The following ZMIZ1 variants were observed in gnomAD, a reference collection of about 807,000 sequenced individuals.
The protein encoded by ZMIZ1 is zinc finger MIZ-type containing 1.
ZMIZ1 carries 17 observed loss-of-function variants against 113.9 expected under a neutral mutation model. That is an observed-to-expected ratio of 0.15 (90% CI 0.10 to 0.22). The LOEUF (loss-of-function observed/expected upper bound fraction) is 0.22, where lower values mean the gene tolerates loss of function less well. ZMIZ1 is among the 10% of genes least tolerant of loss of function. The probability of loss-of-function intolerance (pLI) is 1.00; values close to 1 mark genes in which losing one functional copy is unlikely to be tolerated. For synonymous variants in ZMIZ1, 607 were observed against 603.1 expected, an observed-to-expected ratio of 1.01 and a Z score of -0.09; for missense variants, 1,059 against 1,477.8, an observed-to-expected ratio of 0.72 and a Z score of 4.65.
intron 5 of ZMIZ1, among the ~76,000 whole-genome samples, 199 bp from the exon 6 acceptor site, chr10:79,208,137 G>C (rs1406382260): frequency 8.6e-5 from 12 of 139,394 alleles, no homozygotes; most frequent in Non-Finnish European, 1.6e-5. Context: ...GTGGGGGTGG[G>C]GGGGGGTGGG....
intron 7 of ZMIZ1, among the ~76,000 whole-genome samples, chr10:79,222,182 A>C (rs1372542240): frequency 1.3e-5 from 2 of 152,028 alleles, no homozygotes; most frequent in African/African-American, 2.4e-5. Context: ...TGGACCACTC[A>C]ATGTTTTTTT....
intron 1 of ZMIZ1, among the ~76,000 whole-genome samples, chr10:79,099,075 T>C (rs994356397): frequency 6.6e-6 from 1 of 152,028 alleles, no homozygotes; most frequent in African/African-American, 2.4e-5. Flanking sequence ...TGAGAGCAGG[T>C]CCTGAGACCC....
Position 79,298,560 on chromosome 10 carries a change from G to A in ZMIZ1, c.1646G>A (p.Ser549Asn). The A allele has an allele frequency of 1.9e-6, 3 of 1,600,170 alleles. No individual in the cohort carries two copies. Among genetic ancestry groups the A allele is most frequent in the Non-Finnish European group, 2.6e-6 (3 of 1,174,538 alleles). Residue 549 changes from serine (S) to asparagine (N), a missense_variant, in exon 15 of 25, where the codon AGC becomes AAC. Ser to Asn is a conservative substitution (Grantham distance 46). Transcript: ENST00000334512. ...PFPPDIKPNMSALPPPPANHN... is the reference protein window; with the variant it reads ...PFPPDIKPNMNALPPPPANHN... Reference sequence around the variant, plus strand: ...CCGCCTGACATCAAGCCAAATATGAGCGCTCTGCCACCACCCCCAGGTGAG... The same window carrying A: ...CCGCCTGACATCAAGCCAAATATGAACGCTCTGCCACCACCCCCAGGTGAG...
intron 2 of ZMIZ1, among the ~76,000 whole-genome samples, chr10:79,122,377 C>A (rs1564663750): frequency 6.6e-6 from 1 of 152,160 alleles, no homozygotes; most frequent in Non-Finnish European, 1.5e-5. Context: ...CTGACCCACC[C>A]CATTTACCTT....
chr10:79,232,178 C>T (rs1364698831), intron 7 of ZMIZ1, among the ~76,000 whole-genome samples: 2 of 152,136 alleles, frequency 1.3e-5, no homozygotes, highest in East Asian at 1.9e-4. Context: ...GTGCTGTCTG[C>T]GTTGAGGATT....
chr10:79,291,301 C>G lies in ZMIZ1; in HGVS notation c.758+125C>G, dbSNP rs577558552. 42 of 1,238,566 alleles carry G rather than the reference C, an allele frequency of 3.4e-5. 1 individual carries two copies. Among genetic ancestry groups the G allele is most frequent in the East Asian group, 3.4e-4 (13 of 38,558 alleles). The allele number at this position is 1,238,566 out of a possible 1,614,324, so 76.7% of individuals were successfully genotyped here. On this transcript the variant is annotated intron_variant, in intron 10 of 24. Coordinates refer to ENST00000334512, the MANE Select transcript of ZMIZ1 (RefSeq NM_020338.4). ...CCTGAGAAGTTATCCTCTGTTGTTA[C>G]ATGAGTTGAAGGGGCTCAGTCATCC...
chr10:79,291,046 G>A lies in ZMIZ1; in HGVS notation c.628G>A (p.Gly210Ser), dbSNP rs1418707827. The A allele has an allele frequency of 6.2e-7, 1 of 1,614,212 alleles. No homozygotes were observed. Among genetic ancestry groups the A allele is most frequent in the Admixed American group, 1.7e-5 (1 of 60,028 alleles). The part of the protein sequence containing the change: ...MASGMTTSNP[G>S]LNSPQFAGQQ... ...GTCGGGCATGACCACCAGCAACCCAGGCCTCAACTCCCCACAGTTTGCGGG... is the reference window on the plus strand; with the variant it reads ...GTCGGGCATGACCACCAGCAACCCAAGCCTCAACTCCCCACAGTTTGCGGG... The change falls in exon 10 of 25, where the codon GGC becomes AGC. Residue 210 changes from glycine to serine, a missense_variant. Physicochemically the swap from Gly to Ser is moderately conservative, Grantham distance 56 (BLOSUM62 0). Around this residue, in one of 6 missense-constraint regions of ZMIZ1, gnomAD observed 272 missense variants for 350.4 expected, o/e 0.78. Coordinates refer to ENST00000334512, the MANE Select transcript of ZMIZ1 (RefSeq NM_020338.4).
At chr10:79,129,206 T>A (rs1039834667) in intron 2 of ZMIZ1, among the ~76,000 whole-genome samples, 5 of 152,216 alleles carry the variant, frequency 3.3e-5, no homozygotes, top group Admixed American at 1.3e-4. Flanking sequence ...TTATAAGCTC[T>A]GAGTTCCAGA....
intron 4 of ZMIZ1, among the ~76,000 whole-genome samples, chr10:79,200,895 G>A (rs1454708773): frequency 6.6e-6 from 1 of 152,092 alleles, no homozygotes; most frequent in East Asian, 1.9e-4. Context: ...GCATGCACAT[G>A]TATGAACACA....
chr10:79,242,937 C>T (rs1849931775), intron 7 of ZMIZ1, among the ~76,000 whole-genome samples: 1 of 151,184 alleles, frequency 6.6e-6, no homozygotes, highest in Non-Finnish European at 1.5e-5. Flanking sequence ...TCCCTCGCAG[C>T]GAAGTGGCTG....
intron 7 of ZMIZ1, 129 bp from the exon 8 acceptor site, chr10:79,277,052 C>A (rs1852336840): frequency 8.2e-7 from 1 of 1,214,760 alleles, no homozygotes; most frequent in African/African-American, 1.6e-5. Flanking sequence ...AGTAAGTCTT[C>A]TGGCGTCACA....
At chr10:79,149,498 C>T (rs772900772) in intron 3 of ZMIZ1, among the ~76,000 whole-genome samples, 2 of 152,160 alleles carry the variant, frequency 1.3e-5, no homozygotes, top group Non-Finnish European at 2.9e-5. Context: ...AGGGAATGGG[C>T]TGGATTCACC....
Position 79,312,879 on chromosome 10 carries a change from C to T in ZMIZ1, c.*130C>T, listed in dbSNP as rs1043604701. 2.0e-5 allele frequency: 16 copies of T among 789,464 alleles called. No homozygotes were observed. In the African/African-American group the frequency reaches 2.6e-4, roughly 13 times the overall value. 48.9% of individuals were successfully genotyped at this position (789,464 alleles called of 1,614,324 possible). ...AGCCACGGGCTGTGGGGCGGGGAGC[C>T]CTCCCCCGCTGCAGCCCTCTCAGAA... On this transcript the variant is annotated 3_prime_UTR_variant, in exon 25 of 25. Coordinates refer to ENST00000334512, the MANE Select transcript of ZMIZ1 (RefSeq NM_020338.4).
intron 6 of ZMIZ1, among the ~76,000 whole-genome samples, chr10:79,208,784 G>T (rs201573734): frequency 5.9e-5 from 9 of 152,040 alleles, no homozygotes; most frequent in Admixed American, 2.0e-4. Context: ...TTTTTATCCA[G>T]TCATTCATTC....
intron 7 of ZMIZ1, among the ~76,000 whole-genome samples, chr10:79,239,219 C>T (rs1208831281): frequency 3.3e-5 from 5 of 152,202 alleles, no homozygotes; most frequent in African/African-American, 9.7e-5. Context: ...GTCTCATGCC[C>T]CAGGGCTGCT....
At chr10:79,265,471 T>TC (rs1564564571) in intron 7 of ZMIZ1, among the ~76,000 whole-genome samples, 1 of 147,386 alleles carries the variant, frequency 6.8e-6, no homozygotes, top group African/African-American at 2.5e-5. Context: ...TTCTTTTCTT[T>TC]TTTTTTTTTT....
intron 1 of ZMIZ1, among the ~76,000 whole-genome samples, chr10:79,100,444 A>G (rs1843322679): frequency 6.6e-6 from 1 of 151,932 alleles, no homozygotes; most frequent in Non-Finnish European, 1.5e-5. Flanking sequence ...TCTGAAAAAA[A>G]AAAAAAAAAA....
In ZMIZ1 at chr10:79,213,551, C is replaced by T. The variant is rs148584828; in HGVS notation, c.175-2618C>T. ...CCGGCTGGCCCTTAGAGCCGCCATACAGCACCAAGCCCCTCTAGCTCAAGT... is the reference window on the plus strand; with the variant it reads ...CCGGCTGGCCCTTAGAGCCGCCATATAGCACCAAGCCCCTCTAGCTCAAGT... On this transcript the variant is annotated intron_variant, in intron 6 of 24. Coordinates refer to ENST00000334512, the MANE Select transcript of ZMIZ1 (RefSeq NM_020338.4). Among the ~76,000 whole-genome samples, 345 of 152,320 alleles carry T rather than the reference C, an allele frequency of 2.3e-3. 2 individuals carry two copies. Among genetic ancestry groups the T allele is most frequent in the African/African-American group, 8.1e-3 (335 of 41,558 alleles).
At chr10:79,208,702 G>A (rs537948508) in intron 6 of ZMIZ1, among the ~76,000 whole-genome samples, 2 of 152,324 alleles carry the variant, frequency 1.3e-5, no homozygotes, top group East Asian at 3.9e-4. Context: ...TGAGAAAGAC[G>A]CAGTGTTCAC....
Sources: gnomAD v4.1 joint callset for allele counts (sites outside exome capture counted in the v4.1 genomes callset) on GRCh38, gnomAD v4.1.1 for gene constraint, gnomAD v4.1.1 regional missense constraint, MANE v1.5 for transcripts, NCBI Gene and HGNC (gene_info 2026-07-23, HGNC 2026-07-21) for gene names.